Variants in PDE4D observed in about 807,000 individuals in gnomAD.
The protein encoded by PDE4D is phosphodiesterase 4D.
In PDE4D, 24 loss-of-function variants were observed where a neutral mutation model predicts 87.4. The ratio of observed to expected loss-of-function variants is 0.27; its 90% CI spans 0.20 to 0.39. PDE4D has a LOEUF of 0.39. Among genes scored for constraint, PDE4D ranks in the 10% least tolerant of loss-of-function variants. The probability of loss-of-function intolerance (pLI) is 1.00; values close to 1 mark genes in which losing one functional copy is unlikely to be tolerated. For missense variants in PDE4D, 714 were observed against 1,041.0 expected (o/e 0.69, Z 4.32); for synonymous variants, 384 against 383.2 (o/e 1.00, Z -0.02).
chr5:59,366,387 A>G (rs1376399840), intron 1 of PDE4D, among the ~76,000 whole-genome samples: 2 of 152,208 alleles, frequency 1.3e-5, no homozygotes, highest in Non-Finnish European at 2.9e-5. Context: ...ATTCAGGATA[A>G]AAAGTAAATC....
chr5:58,983,977 T>C (rs1745834281), intron 11 of PDE4D, among the ~76,000 whole-genome samples: 1 of 152,206 alleles, frequency 6.6e-6, no homozygotes, highest in Non-Finnish European at 1.5e-5. Context: ...TATTAAGACC[T>C]GGAGCTGAAA....
At chr5:60,293,014 C>T (rs1753033394) in intron 1 of PDE4D, among the ~76,000 whole-genome samples, 1 of 147,512 alleles carries the variant, frequency 6.8e-6, no homozygotes, top group African/African-American at 2.6e-5. Flanking sequence ...TAAATTCCCC[C>T]CTTTTTTTTT....
intron 1 of PDE4D, among the ~76,000 whole-genome samples, chr5:60,432,496 T>C (rs562167879): frequency 1.9e-4 from 29 of 152,328 alleles, no homozygotes; most frequent in African/African-American, 6.7e-4. Context: ...GTTGAATGTT[T>C]TCAGGAATTT....
At chr5:60,474,685 T>C (rs1748172464) in intron 1 of PDE4D, among the ~76,000 whole-genome samples, 1 of 152,166 alleles carries the variant, frequency 6.6e-6, no homozygotes, top group Non-Finnish European at 1.5e-5. Flanking sequence ...TCACTAAACA[T>C]GCGAAGTCAT....
Position 59,181,543 on chromosome 5 carries a change from G to GATATATATATATATATAT in PDE4D, c.759-917_759-900dup, listed in dbSNP as rs3061466. Among the ~76,000 whole-genome samples the GATATATATATATATATAT allele has an allele frequency of 4.4e-3, 521 of 118,726 alleles. 7 individuals carry two copies. The highest frequency in any genetic ancestry group is 0.011 in the African/African-American group (284 of 26,302). The allele number at this position is 118,726 out of a possible 152,430, so 77.9% of individuals were successfully genotyped here. A position where few individuals can be genotyped will look rare whatever the true frequency, so the allele number is the denominator to read the frequency against. ...CTTTTAGATACATTCAAAGATGTCT[G>GATATATATATATATATAT]ATATATATATATATATATATATATA... On this transcript the variant is annotated intron_variant, in intron 4 of 14. Transcript: ENST00000340635.
intron 1 of PDE4D, among the ~76,000 whole-genome samples, chr5:60,229,219 C>G (rs1745518905): frequency 6.6e-6 from 1 of 152,024 alleles, no homozygotes; most frequent in Admixed American, 6.6e-5. Flanking sequence ...AAATAAACAT[C>G]CTGGCACTTC....
chr5:59,747,761 G>A (rs2150707580), intron 1 of PDE4D, among the ~76,000 whole-genome samples: 1 of 152,146 alleles, frequency 6.6e-6, no homozygotes, highest in African/African-American at 2.4e-5. Flanking sequence ...CATTTATTGT[G>A]AGGACTGAAC....
At chr5:60,040,892 T>A (rs1172398638) in intron 2 of PDE4D, among the ~76,000 whole-genome samples, 1 of 152,182 alleles carries the variant, frequency 6.6e-6, no homozygotes, top group Non-Finnish European at 1.5e-5. Context: ...TATTTACAAT[T>A]AAGTGAGCCC....
intron 1 of PDE4D, among the ~76,000 whole-genome samples, chr5:59,816,333 G>A (rs548490181): frequency 2.6e-5 from 4 of 152,028 alleles, no homozygotes; most frequent in South Asian, 4.1e-4. Context: ...AAGCTCCCTC[G>A]TTTTTTTCTC....
chr5:59,413,281 C>G (rs1463703574), intron 1 of PDE4D, among the ~76,000 whole-genome samples: 1 of 151,774 alleles, frequency 6.6e-6, no homozygotes, highest in East Asian at 1.9e-4. Context: ...CACGGTGAAA[C>G]CCCGTCTCTA....
chr5:59,331,962 C>A (rs1776799894), intron 1 of PDE4D, among the ~76,000 whole-genome samples: 1 of 152,160 alleles, frequency 6.6e-6, no homozygotes, highest in Admixed American at 6.5e-5. Flanking sequence ...GTTCTTAGAT[C>A]CATGGCCCAT....
chr5:59,176,418 G>A (rs1783896962), intron 5 of PDE4D, among the ~76,000 whole-genome samples: 1 of 152,088 alleles, frequency 6.6e-6, no homozygotes, highest in African/African-American at 2.4e-5. Context: ...GCCGGGCGTG[G>A]TGGTGGGCAT....
At chr5:59,745,350 C>A (rs73103108) in intron 1 of PDE4D, among the ~76,000 whole-genome samples, 3,199 of 152,200 alleles carry the variant, frequency 0.021, 119 homozygotes, top group African/African-American at 0.074. Context: ...TCTTAGAGTT[C>A]TCCCTTTAAA....
intron 2 of PDE4D, among the ~76,000 whole-genome samples, chr5:60,156,670 C>T (rs1252575254): frequency 6.6e-6 from 1 of 152,036 alleles, no homozygotes; most frequent in Admixed American, 6.5e-5. Context: ...AAGTATAAAA[C>T]AAAATCACCC....
At chr5:60,045,897 TGAA>T (rs1331718648) in intron 2 of PDE4D, among the ~76,000 whole-genome samples, 14 of 152,322 alleles carry the variant, frequency 9.2e-5, no homozygotes, top group African/African-American at 2.9e-4. Flanking sequence ...TCCAATTCTG[TGAA>T]GAAAGTCATT....
intron 3 of PDE4D, among the ~76,000 whole-genome samples, chr5:59,190,067 C>CT (rs1229838630): frequency 6.6e-6 from 1 of 152,136 alleles, no homozygotes; most frequent in Non-Finnish European, 1.5e-5. Context: ...GGATTTTGCT[C>CT]TTTTCACGTC....
chr5:60,276,813 ATT>A (rs201053363), intron 1 of PDE4D, among the ~76,000 whole-genome samples: 1 of 147,242 alleles, frequency 6.8e-6, no homozygotes, highest in Non-Finnish European at 1.5e-5. Flanking sequence ...TGTCACTAGT[ATT>A]TTTTTTTTGC....
At chr5:60,335,900 T>A (rs1757713571) in intron 1 of PDE4D, among the ~76,000 whole-genome samples, 1 of 152,192 alleles carries the variant, frequency 6.6e-6, no homozygotes, top group African/African-American at 2.4e-5. Flanking sequence ...TTTAAGTCAT[T>A]AACTGATAGC....
chr5:59,898,549 G>T (rs866903894), upstream of PDE4D, among the ~76,000 whole-genome samples: 1 of 152,174 alleles, frequency 6.6e-6, no homozygotes, highest in Non-Finnish European at 1.5e-5. Context: ...ATTGAAATTA[G>T]CTATTTTCAG....
Sources: gnomAD v4.1 joint callset for allele counts (sites outside exome capture counted in the v4.1 genomes callset) on GRCh38, gnomAD v4.1.1 for gene constraint, MANE v1.5 for transcripts, NCBI Gene and HGNC (gene_info 2026-07-23, HGNC 2026-07-21) for gene names.